EPHA6: variants seen among roughly 807,000 people sequenced by gnomAD.
The protein encoded by EPHA6 is EPH receptor A6.
EPHA6 carries 50 observed loss-of-function variants against 112.0 expected under a neutral mutation model. The ratio of observed to expected loss-of-function variants is 0.45; its 90% confidence interval spans 0.36 to 0.56. The LOEUF is 0.56. Ranked by LOEUF, EPHA6 falls within the 20% of genes least tolerant of loss-of-function variation. The pLI is 0.00. For missense variants in EPHA6, 1,280 were observed against 1,417.4 expected, an observed-to-expected ratio of 0.90 and a Z score of 1.56; for synonymous variants, 529 against 490.7, an observed-to-expected ratio of 1.08 and a Z score of -1.03.
chr3:97,550,016 T>G (rs1313973325), intron 11 of EPHA6, among the ~76,000 whole-genome samples: 1 of 152,128 alleles, frequency 6.6e-6, no homozygotes, highest in African/African-American at 2.4e-5. Context: ...GATAAGCTGA[T>G]TGTGAAGGAA....
intron 3 of EPHA6, among the ~76,000 whole-genome samples, chr3:97,024,450 A>G (rs1399688234): frequency 1.3e-5 from 2 of 152,166 alleles, no homozygotes; most frequent in African/African-American, 2.4e-5. Flanking sequence ...CTGACATTTT[A>G]TATCTAATTG....
At position 97,532,403 on chromosome 3, in the gene EPHA6, A is replaced by C. The variant is rs2092705387; in HGVS notation, c.2246A>C (p.Lys749Thr). The change falls in exon 11 of 18, where the codon AAA becomes ACA. Residue 749 changes from lysine to threonine, a missense_variant. Lys to Thr is a moderately conservative substitution (Grantham distance 78). Transcript: ENST00000389672. ...VCSGRLKTPG[K>T]REIPVAIKTL... is the part of the protein sequence containing the mutation. ...AGTGGGCGTTTGAAGACACCAGGGAAAAGAGAGATCCCAGTTGCCATTAAA... is the reference window on the plus strand; with the variant it reads ...AGTGGGCGTTTGAAGACACCAGGGACAAGAGAGATCCCAGTTGCCATTAAA... The C allele has an allele frequency of 1.2e-6, 2 of 1,612,448 alleles. No homozygotes were observed. The highest frequency in any genetic ancestry group is 1.7e-6 in the Non-Finnish European group (2 of 1,178,942).
chr3:97,003,046 G>A (rs2043727312), intron 3 of EPHA6, among the ~76,000 whole-genome samples: 2 of 152,040 alleles, frequency 1.3e-5, no homozygotes, highest in South Asian at 2.1e-4. Flanking sequence ...TATGTTGTAG[G>A]GGTTGATATT....
chr3:96,861,719 A>C (rs1249534902), intron 1 of EPHA6, among the ~76,000 whole-genome samples: 1 of 151,978 alleles, frequency 6.6e-6, no homozygotes, highest in South Asian at 2.1e-4. Flanking sequence ...ACAAGCAAAA[A>C]CCACAAAAAA....
intron 3 of EPHA6, among the ~76,000 whole-genome samples, chr3:97,035,545 T>A (rs1448151771): frequency 1.3e-5 from 2 of 151,978 alleles, no homozygotes; most frequent in Non-Finnish European, 2.9e-5. Flanking sequence ...ATTACTTCCT[T>A]AATGATAAAA....
Position 97,416,773 on chromosome 3 carries a change from A to T in EPHA6, c.1731+11499A>T, listed in dbSNP as rs1024041746. Among the ~76,000 whole-genome samples, 5 of 152,038 alleles carry T rather than the reference A, an allele frequency of 3.3e-5. No homozygotes were observed. In the East Asian group the frequency reaches 9.6e-4, roughly 29 times the overall value. On this transcript the variant is annotated intron_variant, in intron 6 of 17. Transcript: ENST00000389672. ...TTTAAATATGCTTAAGATATAATTA[A>T]CTCATTGAAAATTTATTTTCTTTCA...
chr3:96,951,122 T>C (rs988748019), intron 2 of EPHA6, among the ~76,000 whole-genome samples: 2 of 152,112 alleles, frequency 1.3e-5, no homozygotes, highest in Non-Finnish European at 2.9e-5. Flanking sequence ...AAAAGAATAA[T>C]TGAGAAACTG....
intron 13 of EPHA6, among the ~76,000 whole-genome samples, chr3:97,613,197 G>A (rs1307291036): frequency 6.6e-6 from 1 of 151,968 alleles, no homozygotes; most frequent in Admixed American, 6.6e-5. Flanking sequence ...TGTGTTAATA[G>A]CAGATACTCA....
At chr3:97,093,288 C>G (rs116516767) in intron 3 of EPHA6, among the ~76,000 whole-genome samples, 2,297 of 152,260 alleles carry the variant, frequency 0.015, 51 homozygotes, top group African/African-American at 0.053. Flanking sequence ...GTGGCTCACT[C>G]CTGTAATCCC....
At chr3:97,160,482 G>T (rs1392695373) in intron 3 of EPHA6, among the ~76,000 whole-genome samples, 1 of 151,926 alleles carries the variant, frequency 6.6e-6, no homozygotes, top group South Asian at 2.1e-4. Context: ...GTTTCATCAT[G>T]TTGGCCAGGC....
At chr3:97,004,998 C>T (rs568658581) in intron 3 of EPHA6, among the ~76,000 whole-genome samples, 8 of 152,206 alleles carry the variant, frequency 5.3e-5, no homozygotes, top group Admixed American at 2.6e-4. Context: ...CAGTACCATG[C>T]GGTTTTGGTT....
chr3:97,056,930 C>T (rs1030702480), intron 3 of EPHA6, among the ~76,000 whole-genome samples: 11 of 152,124 alleles, frequency 7.2e-5, no homozygotes, highest in African/African-American at 2.4e-4. Flanking sequence ...ATTATTGCTA[C>T]CAAGACTCTT....
At chr3:97,410,552 T>C (rs887713835) in intron 6 of EPHA6, among the ~76,000 whole-genome samples, 3 of 152,070 alleles carry the variant, frequency 2.0e-5, no homozygotes, top group African/African-American at 7.2e-5. Flanking sequence ...AATTCATACA[T>C]TTGTAAACCT....
chr3:96,925,894 T>A (rs1376818023), intron 2 of EPHA6, among the ~76,000 whole-genome samples: 4 of 152,086 alleles, frequency 2.6e-5, no homozygotes, highest in African/African-American at 9.7e-5. Context: ...GTGTGAGCCA[T>A]CGTGCCCAGC....
At chr3:96,832,263 A>G (rs995150901) in intron 1 of EPHA6, among the ~76,000 whole-genome samples, 1 of 152,100 alleles carries the variant, frequency 6.6e-6, no homozygotes, top group Admixed American at 6.6e-5. Context: ...CTAAGAGTCT[A>G]TAGAGTTTAA....
chr3:97,594,582 T>G (rs562144127), intron 12 of EPHA6, among the ~76,000 whole-genome samples: 1 of 152,236 alleles, frequency 6.6e-6, no homozygotes, highest in African/African-American at 2.4e-5. Flanking sequence ...TTTTTGGTAA[T>G]GACTGCTACT....
intron 3 of EPHA6, among the ~76,000 whole-genome samples, chr3:97,197,037 C>A (rs2077459552): frequency 6.6e-6 from 1 of 151,964 alleles, no homozygotes; most frequent in South Asian, 2.1e-4. Context: ...GGTGACAAAT[C>A]CAGCCAGGCC....
intron 5 of EPHA6, among the ~76,000 whole-genome samples, chr3:97,330,886 C>G (rs938400147): frequency 6.6e-6 from 1 of 152,054 alleles, no homozygotes; most frequent in Admixed American, 6.6e-5. Flanking sequence ...CAGCTCTGCA[C>G]CAAGTGGACC....
chr3:97,737,455 ATAAG>A (rs2035310301), intron 16 of EPHA6, among the ~76,000 whole-genome samples: 1 of 152,098 alleles, frequency 6.6e-6, no homozygotes, highest in African/African-American at 2.4e-5. Flanking sequence ...TTTCCTAATA[ATAAG>A]TAATAATAAC....
Sources: allele counts gnomAD v4.1 joint callset (sites outside exome capture counted in the v4.1 genomes callset), GRCh38; gene constraint gnomAD v4.1.1; transcripts MANE v1.5; gene names NCBI Gene and HGNC (gene_info 2026-07-23, HGNC 2026-07-21).